The following POMT2 variants were observed in gnomAD, a reference collection of about 807,000 sequenced individuals.
POMT2 encodes protein O-mannosyl-transferase 2.
POMT2 carries 75 observed loss-of-function variants against 100.0 expected under a neutral mutation model. That is an observed-to-expected ratio of 0.75 (90% confidence interval 0.62 to 0.91). The LOEUF (loss-of-function observed/expected upper bound fraction) is 0.91. POMT2 is among the 40% of genes least tolerant of loss of function. The pLI, the probability that POMT2 is intolerant of heterozygous loss-of-function variation, is 0.00. For synonymous variants in POMT2, 378 were observed against 374.1 expected (o/e 1.01, Z -0.12); for missense variants, 940 against 955.1 (o/e 0.98, Z 0.21).
chr14:77,276,653 A>G lies in POMT2; in HGVS notation c.*723T>C, dbSNP rs928758799. 1.3e-5 allele frequency: 2 copies of G among 152,728 alleles called. No individual in the cohort carries two copies. Among genetic ancestry groups the G allele is most frequent in the African/African-American group, 4.8e-5 (2 of 41,452 alleles). The allele number at this position is 152,728 out of a possible 1,614,324, so 9.5% of individuals were successfully genotyped here. A position where few individuals can be genotyped will look rare whatever the true frequency, so the allele number is the denominator to read the frequency against. On this transcript the variant is annotated 3_prime_UTR_variant, in exon 21 of 21. Coordinates refer to ENST00000261534, the MANE Select transcript of POMT2 (RefSeq NM_013382.7). ...AGTGTGACAATCCCAAAAAACGAGG[A>G]ACCAAGGGCTAAGGCAGGCTGACGC...
In POMT2 at chr14:77,277,329, C is replaced by A. The variant is rs373248460; in HGVS notation, c.*47G>T. 36 of 1,498,696 alleles carry A rather than the reference C, an allele frequency of 2.4e-5. No homozygotes were observed. Among genetic ancestry groups the A allele is most frequent in the Admixed American group, 5.0e-5 (3 of 59,636 alleles). The allele number at this position is 1,498,696 out of a possible 1,614,324, so 92.8% of individuals were successfully genotyped here. On this transcript the variant is annotated 3_prime_UTR_variant, in exon 21 of 21. Coordinates refer to ENST00000261534, the MANE Select transcript of POMT2 (RefSeq NM_013382.7). ...TGGTCCAGTACTGCTTCCCAGCTGG[C>A]TCTCCTGGGAAGTTCCTGGACCCAG...
intron 9 of POMT2, among the ~76,000 whole-genome samples, chr14:77,295,489 A>G (rs921878419): frequency 2.4e-4 from 36 of 152,088 alleles, no homozygotes; most frequent in African/African-American, 8.7e-4. Flanking sequence ...AAAATTAGCC[A>G]GGCGTGGTGG....
Position 77,301,116 on chromosome 14 carries a change from G to A in POMT2, c.790C>T (p.Leu264=). The part of the protein sequence containing the change: ...GLNTIADLWY[L]FGDLSLSLVT... ...AATGAAAGACTGAGGTCTCCGAACA[G>A]GTACCAAAGGTCTGCAATGGTGTTC... Residue 264 remains leucine, a synonymous_variant, in exon 6 of 21, where the codon CTG becomes TTG. Transcript: ENST00000261534. The A allele has an allele frequency of 1.2e-6, 2 of 1,614,200 alleles. No homozygotes were observed. The highest frequency in any genetic ancestry group is 4.5e-5 in the East Asian group (2 of 44,888).
At chr14:77,301,713 C>T (rs1426139350) in intron 5 of POMT2, among the ~76,000 whole-genome samples, 1 of 152,194 alleles carries the variant, frequency 6.6e-6, no homozygotes, top group African/African-American at 2.4e-5. Context: ...TTCTAGCCGT[C>T]ACTACAGCAC....
rs142479943 is a variant in POMT2 at position 77,288,809 on chromosome 14, T to G, written c.1206A>C (p.Pro402=). 3.7e-5 allele frequency: 60 copies of G among 1,613,802 alleles called. No individual in the cohort carries two copies. In the African/African-American group the frequency reaches 6.5e-4, roughly 18 times the overall value. Residue 402 remains proline, a synonymous_variant, in exon 11 of 21, where the codon CCA becomes CCC. Coordinates refer to ENST00000261534, the MANE Select transcript of POMT2 (RefSeq NM_013382.7). ...TNSDPLDPSF[P]VEFVRHGDII... is the part of the protein sequence containing the mutation. ...TGTCTCCATGTCTTACAAACTCCAC[T>G]GGGAAGGAAGGGTCTAGGGGATCTG...
chr14:77,284,044 T>C, intron 14 of POMT2, 171 bp from the exon 15 acceptor site: 1 of 683,294 alleles, frequency 1.5e-6, no homozygotes, highest in Non-Finnish European at 2.7e-6. Flanking sequence ...CTTAGCTGTA[T>C]GAAGAACTCA....
In POMT2 at chr14:77,310,559, C is replaced by T. The variant is rs143365110; in HGVS notation, c.333+1390G>A. Among the ~76,000 whole-genome samples the T allele has an allele frequency of 2.5e-3, 388 of 152,258 alleles. 1 individual carries two copies. The highest frequency in any genetic ancestry group is 7.7e-3 in the African/African-American group (322 of 41,552). ...AGGCTACCTGTTCTACCTCGCTTCC[C>T]ATCCCTCCACGCTGTAGGGCCCCCT... On this transcript the variant is annotated intron_variant, in intron 2 of 20. Coordinates refer to ENST00000261534, the MANE Select transcript of POMT2 (RefSeq NM_013382.7).
chr14:77,301,314 G>A, intron 5 of POMT2, 65 bp from the exon 6 acceptor site: 1 of 1,592,934 alleles, frequency 6.3e-7, no homozygotes, highest in Non-Finnish European at 8.6e-7. Context: ...AAGCGCAGCA[G>A]GGGACAGGGC....
At chr14:77,315,824 C>A (rs558679677) in intron 1 of POMT2, among the ~76,000 whole-genome samples, 25 of 152,264 alleles carry the variant, frequency 1.6e-4, no homozygotes, top group African/African-American at 5.8e-4. Context: ...CCAGCCTGGC[C>A]AACATGGTGA....
intron 9 of POMT2, among the ~76,000 whole-genome samples, chr14:77,292,363 G>A (rs146448361): frequency 6.6e-6 from 1 of 152,286 alleles, no homozygotes; most frequent in African/African-American, 2.4e-5. Context: ...TAAGCATTGG[G>A]CAAGTCTTAT....
In POMT2 at chr14:77,296,200, G is replaced by A. The variant is rs776866129; in HGVS notation, c.1080C>T (p.His360=). 6.2e-6 allele frequency: 10 copies of A among 1,608,950 alleles called. No individual in the cohort carries two copies. Among genetic ancestry groups the A allele is most frequent in the East Asian group, 2.2e-5 (1 of 44,740 alleles). Reference sequence around the variant, plus strand: ...GGGCACCAATGCCCTCGGGGTAGAGGTGCCTGTGGGAGTGCAGATAGCCGA... The same window carrying A: ...GGGCACCAATGCCCTCGGGGTAGAGATGCCTGTGGGAGTGCAGATAGCCGA... ...MAIGYLHSHR[H]LYPEGIGARQ... The change falls in exon 9 of 21, where the codon CAC becomes CAT. Residue 360 remains histidine (H), a synonymous_variant. Coordinates refer to ENST00000261534, the MANE Select transcript of POMT2 (RefSeq NM_013382.7).
At chr14:77,286,326 T>A (rs1006812673) in intron 12 of POMT2, among the ~76,000 whole-genome samples, 9 of 152,170 alleles carry the variant, frequency 5.9e-5, no homozygotes, top group Admixed American at 4.6e-4. Flanking sequence ...ATGGATAATA[T>A]CCCTCTGCAG....
At chr14:77,309,270 C>T (rs1484397987) in intron 2 of POMT2, among the ~76,000 whole-genome samples, 1 of 152,152 alleles carries the variant, frequency 6.6e-6, no homozygotes, top group East Asian at 1.9e-4. Context: ...AGGCTTCTGA[C>T]CCTGTACTTC....
At position 77,301,148 on chromosome 14, in the gene POMT2, A is replaced by C. The variant is rs760828168; in HGVS notation, c.758T>G (p.Val253Gly). The change falls in exon 6 of 21, where the codon GTG (valine) becomes GGG (glycine). Residue 253 changes from valine to glycine, a missense_variant. Physicochemically the swap from Val to Gly is moderately radical, Grantham distance 109. Coordinates refer to ENST00000261534, the MANE Select transcript of POMT2 (RefSeq NM_013382.7). ...KFVGLFIILQ[V>G]GLNTIADLWY... ...AAGGTCTGCAATGGTGTTCAGCCCC[A>C]CTTGAAGGATGATAAAGAGGCCAAC... is the stretch of plus-strand genomic sequence containing the variant. 3 of 1,614,208 alleles carry C rather than the reference A, an allele frequency of 1.9e-6. No homozygotes were observed. The highest frequency in any genetic ancestry group is 2.5e-6 in the Non-Finnish European group (3 of 1,180,040).
chr14:77,294,733 G>A (rs925950765), intron 9 of POMT2, among the ~76,000 whole-genome samples: 22 of 152,144 alleles, frequency 1.4e-4, no homozygotes, highest in Non-Finnish European at 2.8e-4. Context: ...GGCCTCCCCA[G>A]CCATGTGGAA....
intron 7 of POMT2, 105 bp downstream of exon 7, chr14:77,299,350 C>T: frequency 1.0e-6 from 1 of 995,372 alleles, no homozygotes; most frequent in Non-Finnish European, 1.6e-6. Context: ...TGGGGTCCCT[C>T]ACCTATCATT....
chr14:77,285,956 T>C (rs528168370), intron 12 of POMT2, among the ~76,000 whole-genome samples: 2 of 152,286 alleles, frequency 1.3e-5, no homozygotes, highest in Admixed American at 6.5e-5. Context: ...ACTCAAGACA[T>C]CACTCTGAGC....
chr14:77,315,344 C>T (rs531284675), intron 1 of POMT2, among the ~76,000 whole-genome samples: 3 of 152,328 alleles, frequency 2.0e-5, no homozygotes, highest in South Asian at 2.1e-4. Flanking sequence ...CAGCCAGCAC[C>T]GCCACACTCT....
At chr14:77,312,837 T>C (rs996861462) in intron 1 of POMT2, among the ~76,000 whole-genome samples, 2 of 152,198 alleles carry the variant, frequency 1.3e-5, no homozygotes, top group East Asian at 1.9e-4. Flanking sequence ...AGGAGTCTCA[T>C]TTTGCTCAGC....
Sources: gnomAD v4.1 joint callset for allele counts (sites outside exome capture counted in the v4.1 genomes callset) on GRCh38, gnomAD v4.1.1 for gene constraint, MANE v1.5 for transcripts, NCBI Gene and HGNC (gene_info 2026-07-23, HGNC 2026-07-21) for gene names.